SEMA3D: variants seen among roughly 807,000 people sequenced by gnomAD.
SEMA3D encodes semaphorin 3D.
SEMA3D carries 84 observed loss-of-function variants against 100.1 expected under a neutral mutation model. That is an observed-to-expected ratio of 0.84 (90% CI 0.70 to 1.01). The LOEUF (loss-of-function observed/expected upper bound fraction) is 1.01. Ranked by LOEUF, SEMA3D falls within the 50% of genes least tolerant of loss-of-function variation. The probability of loss-of-function intolerance (pLI) is 0.00; values close to 1 mark genes in which losing one functional copy is unlikely to be tolerated. For missense variants in SEMA3D, 875 were observed against 934.1 expected (o/e 0.94, Z 0.82); for synonymous variants, 312 against 320.7 (o/e 0.97, Z 0.29).
At chr7:85,065,196 G>A (rs958576351) in intron 8 of SEMA3D, among the ~76,000 whole-genome samples, 2 of 152,110 alleles carry the variant, frequency 1.3e-5, no homozygotes, top group African/African-American at 4.8e-5. Flanking sequence ...ATATTAATTA[G>A]AGCACAGAAG....
chr7:85,191,533 G>T (rs1392066603), upstream of SEMA3D, among the ~76,000 whole-genome samples: 1 of 152,118 alleles, frequency 6.6e-6, no homozygotes, highest in Non-Finnish European at 1.5e-5. Context: ...GCTGAGGCAA[G>T]CCTTATTTGT....
chr7:85,226,099 T>C, the SEMA3D span, among the ~76,000 whole-genome samples: 3 of 152,272 alleles, frequency 2.0e-5, no homozygotes, highest in African/African-American at 4.8e-5. Flanking sequence ...AACACATTAT[T>C]AGTACATTTT....
At position 85,140,239 on chromosome 7, in the gene SEMA3D, T is replaced by C. The variant is rs1373367236; in HGVS notation, c.-41+13369A>G. On this transcript the variant is annotated intron_variant, in intron 2 of 18. Transcript: ENST00000284136. ...TTTTATTTTACTCAATATAAAATAA[T>C]AATTCATTTATTAAATAAGACTTCT... 3 of 753,730 alleles carry C rather than the reference T, an allele frequency of 4.0e-6. No homozygotes were observed. In the East Asian group the frequency reaches 3.9e-4, roughly 98 times the overall value. 46.7% of individuals were successfully genotyped at this position (753,730 alleles called of 1,614,324 possible).
At chr7:85,015,265 C>T in intron 15 of SEMA3D, 49 bp from the exon 16 acceptor site, 1 of 1,565,116 alleles carries the variant, frequency 6.4e-7, no homozygotes, top group Non-Finnish European at 8.8e-7. Context: ...TCAGACTAGT[C>T]TTAAGAATTT....
intron 1 of SEMA3D, among the ~76,000 whole-genome samples, chr7:85,156,792 C>G (rs1310113658): frequency 1.3e-5 from 2 of 152,086 alleles, no homozygotes; most frequent in African/African-American, 4.8e-5. Flanking sequence ...CCAAAAACAC[C>G]ACAAAATACC....
chr7:85,061,513 C>T (rs1791478416), intron 8 of SEMA3D, among the ~76,000 whole-genome samples: 2 of 152,138 alleles, frequency 1.3e-5, no homozygotes, highest in Non-Finnish European at 2.9e-5. Flanking sequence ...GAATCTGCAT[C>T]TTAACAGTTA....
At chr7:85,238,536 C>G in the SEMA3D span, among the ~76,000 whole-genome samples, 1 of 152,154 alleles carries the variant, frequency 6.6e-6, no homozygotes, top group Non-Finnish European at 1.5e-5. Flanking sequence ...TCTGGGCTAT[C>G]TATTCTATTC....
At chr7:85,125,186 T>C (rs1471193589) in intron 2 of SEMA3D, among the ~76,000 whole-genome samples, 2 of 152,090 alleles carry the variant, frequency 1.3e-5, no homozygotes, top group Non-Finnish European at 2.9e-5. Context: ...CATGTAACAA[T>C]GCATGTAACG....
Position 85,040,702 on chromosome 7 carries a change from A to G in SEMA3D, c.1017T>C (p.Pro339=), listed in dbSNP as rs1444219780. The G allele has an allele frequency of 6.8e-7, 1 of 1,479,800 alleles. No individual in the cohort carries two copies. Among genetic ancestry groups the G allele is most frequent in the East Asian group, 2.3e-5 (1 of 43,980 alleles). 91.7% of individuals were successfully genotyped at this position (1,479,800 alleles called of 1,614,324 possible). A position where few individuals can be genotyped will look rare whatever the true frequency, so the allele number is the denominator to read the frequency against. Residue 339 remains proline (P), a synonymous_variant, in exon 11 of 19, where the codon CCT becomes CCC. Coordinates refer to ENST00000284136, the MANE Select transcript of SEMA3D (RefSeq NM_001384900.1). The stretch of plus-strand genomic sequence containing the variant: ...TTGTAGTAAAGACTCCATATACTAC[A>G]GGATTTCTTTCATCTCTTGTGGGGA... The part of the protein sequence containing the change: ...YLLPTRDERN[P]VVYGVFTTTS...
At chr7:85,036,074 G>A (rs1453339435) in intron 12 of SEMA3D, among the ~76,000 whole-genome samples, 1 of 151,586 alleles carries the variant, frequency 6.6e-6, no homozygotes, top group East Asian at 1.9e-4. Flanking sequence ...CAGATATTTT[G>A]GTAATTATTT....
At chr7:85,082,985 C>A (rs971777479) in intron 4 of SEMA3D, among the ~76,000 whole-genome samples, 1 of 152,204 alleles carries the variant, frequency 6.6e-6, no homozygotes, top group African/African-American at 2.4e-5. Context: ...TACTATCACA[C>A]AACTTTAAAT....
chr7:85,029,252 C>T, intron 12 of SEMA3D: 1 of 779,120 alleles, frequency 1.3e-6, no homozygotes, highest in Non-Finnish European at 2.3e-6. Context: ...AGGGCATCCT[C>T]AATGTCTACT....
At chr7:85,230,835 G>A in the SEMA3D span, among the ~76,000 whole-genome samples, 1 of 151,708 alleles carries the variant, frequency 6.6e-6, no homozygotes, top group East Asian at 1.9e-4. Context: ...CCATGTCGAA[G>A]AACATAATGG....
chr7:85,149,683 C>T (rs1052661881), intron 2 of SEMA3D, among the ~76,000 whole-genome samples: 10 of 152,104 alleles, frequency 6.6e-5, no homozygotes, highest in Admixed American at 4.6e-4. Flanking sequence ...AGTAGACTTA[C>T]AGTGCTTCCA....
chr7:85,120,298 G>C (rs149761968), intron 3 of SEMA3D, among the ~76,000 whole-genome samples: 3 of 152,180 alleles, frequency 2.0e-5, no homozygotes, highest in African/African-American at 7.2e-5. Flanking sequence ...TTGAAACTAA[G>C]ATAATTTTAG....
chr7:85,044,517 A>G (rs1445929962), intron 9 of SEMA3D, among the ~76,000 whole-genome samples: 2 of 152,172 alleles, frequency 1.3e-5, no homozygotes. Context: ...AAGCAACAAC[A>G]TTCAATAGAA....
chr7:85,181,121 T>C (rs1791389963), intron 1 of SEMA3D, among the ~76,000 whole-genome samples: 1 of 152,174 alleles, frequency 6.6e-6, no homozygotes. Flanking sequence ...GATATTGACC[T>C]TGATTACCTG....
the SEMA3D span, among the ~76,000 whole-genome samples, chr7:85,226,574 G>A: frequency 1.3e-5 from 2 of 152,056 alleles, no homozygotes; most frequent in African/African-American, 4.8e-5. Flanking sequence ...CAGGTTTTGT[G>A]GTACTTGTGG....
chr7:85,015,987 A>AG (rs1198925819), intron 15 of SEMA3D, among the ~76,000 whole-genome samples: 1 of 151,678 alleles, frequency 6.6e-6, no homozygotes, highest in African/African-American at 2.4e-5. Context: ...CAAGAGTTAG[A>AG]GGGGGGATAT....
Sources: allele counts gnomAD v4.1 joint callset (sites outside exome capture counted in the v4.1 genomes callset), GRCh38; gene constraint gnomAD v4.1.1; transcripts MANE v1.5; gene names NCBI Gene and HGNC (gene_info 2026-07-23, HGNC 2026-07-21).